Variants in FRMPD4 observed in about 807,000 individuals in gnomAD.
FRMPD4 encodes the protein FERM and PDZ domain containing 4, also known as FERM and PDZ domain-containing protein 4.
Under a neutral mutation model 94.1 loss-of-function variants are expected in FRMPD4, and 22 were observed. The ratio of observed to expected loss-of-function variants is 0.23; its 90% confidence interval spans 0.17 to 0.33. FRMPD4 has a LOEUF of 0.33. Among genes scored for constraint, FRMPD4 ranks in the 10% least tolerant of loss-of-function variants. The probability of loss-of-function intolerance (pLI) is 1.00; values close to 1 mark genes in which losing one functional copy is unlikely to be tolerated. For missense variants in FRMPD4, 1,111 were observed against 1,339.9 expected, an observed-to-expected ratio of 0.83 and a Z score of 2.67; for synonymous variants, 631 against 548.6, an observed-to-expected ratio of 1.15 and a Z score of -2.10.
At chrX:11,885,328 G>A (rs887795514) in intron 3 of FRMPD4, among the ~76,000 whole-genome samples, 153 of 110,989 alleles carry the variant, frequency 1.4e-3, no homozygotes, top group African/African-American at 4.9e-3. Flanking sequence ...CTACTTATAT[G>A]AGGTATCTAG....
In FRMPD4 at chrX:12,075,387, C is replaced by A. The variant is rs780643784; in HGVS notation, c.95+197369C>A. ...ATATAGAAAACCTCTGTACCTTCTG[C>A]TCAATTTTTGCTGTAAACCTAAAAT... On this transcript the variant is annotated intron_variant, in intron 3 of 18. Transcript: ENST00000640291. 5.4e-5 allele frequency among the ~76,000 whole-genome samples: 6 copies of A among 111,463 alleles called. No homozygotes were observed. In the South Asian group the frequency reaches 1.9e-3, roughly 36 times the overall value.
intron 2 of FRMPD4, among the ~76,000 whole-genome samples, chrX:12,602,642 A>G (rs1247633099): frequency 8.9e-6 from 1 of 111,883 alleles, no homozygotes; most frequent in Non-Finnish European, 1.9e-5. Context: ...ACATCCCCCA[A>G]ATTCAGTGTC....
chrX:12,055,252 C>T (rs146131317), intron 3 of FRMPD4, among the ~76,000 whole-genome samples: 8 of 111,855 alleles, frequency 7.2e-5, no homozygotes, highest in African/African-American at 2.6e-4. Flanking sequence ...TGAGTTGATA[C>T]GATTTGGATG....
At position 12,210,468 on chromosome X, in the gene FRMPD4, T is replaced by G. The variant is rs768378915; in HGVS notation, c.41+71456T>G. ...ATCTTCCCTCAGATGGTGGTGTGGTTCTGCCTTCCTTTTCCTGGGAACCTG... is the reference window on the plus strand; with the variant it reads ...ATCTTCCCTCAGATGGTGGTGTGGTGCTGCCTTCCTTTTCCTGGGAACCTG... On this transcript the variant is annotated intron_variant, in intron 1 of 16. Transcript: ENST00000675598. Among the ~76,000 whole-genome samples, 36 of 111,711 alleles carry G rather than the reference T, an allele frequency of 3.2e-4. 1 individual carries two copies. The highest frequency in any genetic ancestry group is 1.1e-3 in the African/African-American group (35 of 30,810).
At chrX:12,139,508 A>G (rs1203492085) in intron 1 of FRMPD4, among the ~76,000 whole-genome samples, 1 of 104,831 alleles carries the variant, frequency 9.5e-6, no homozygotes, top group Non-Finnish European at 1.9e-5. Flanking sequence ...TAGATGGCGA[A>G]GTCATGTAGA....
chrX:12,219,788 A>G (rs1287857107), intron 1 of FRMPD4, among the ~76,000 whole-genome samples: 1 of 112,013 alleles, frequency 8.9e-6, no homozygotes, highest in Non-Finnish European at 1.9e-5. Flanking sequence ...GAGGCAAACT[A>G]CTACAAAGTA....
intron 1 of FRMPD4, among the ~76,000 whole-genome samples, chrX:11,851,131 G>T (rs1364909874): frequency 9.0e-6 from 1 of 111,729 alleles, no homozygotes. Context: ...GCAGGCCCAG[G>T]TAAGAATGCC....
intron 3 of FRMPD4, among the ~76,000 whole-genome samples, chrX:12,053,420 AAGAAAGAAAGAGAAAGAAAGAAG>A (rs2054834808): frequency 5.3e-5 from 5 of 95,149 alleles, no homozygotes; most frequent in African/African-American, 7.6e-5. Context: ...GAAAGAAAGA[AAGAAAGAAAGAGAAAGAAAGAAG>A]AGAAGAGAAG....
chrX:12,627,587 G>A (rs1309231863), intron 4 of FRMPD4, among the ~76,000 whole-genome samples: 1 of 111,806 alleles, frequency 8.9e-6, no homozygotes, highest in Non-Finnish European at 1.9e-5. Context: ...AAAGGGATTT[G>A]GGAGCATAGT....
chrX:12,521,667 G>A (rs1328496648), intron 2 of FRMPD4, among the ~76,000 whole-genome samples: 1 of 111,909 alleles, frequency 8.9e-6, no homozygotes, highest in African/African-American at 3.2e-5. Context: ...GACTGGAACT[G>A]TCTTCAGGAT....
At chrX:12,338,249 T>C (rs2055556677) in intron 1 of FRMPD4, among the ~76,000 whole-genome samples, 1 of 112,343 alleles carries the variant, frequency 8.9e-6, no homozygotes, top group Non-Finnish European at 1.9e-5. Flanking sequence ...GCAGTGCCCA[T>C]GTGCAGAAGT....
chrX:12,338,073 G>A (rs900920568), intron 1 of FRMPD4, among the ~76,000 whole-genome samples: 2 of 112,122 alleles, frequency 1.8e-5, no homozygotes, highest in Non-Finnish European at 3.8e-5. Flanking sequence ...TTCACATGGT[G>A]GAGTATGAAG....
intron 1 of FRMPD4, among the ~76,000 whole-genome samples, chrX:12,430,827 GAT>G (rs1175899028): frequency 1.2e-3 from 138 of 112,415 alleles, no homozygotes; most frequent in African/African-American, 4.4e-3. Flanking sequence ...ATATTTCACA[GAT>G]ATGTAATTTT....
At chrX:12,696,382 G>T (rs1486243683) in intron 9 of FRMPD4, among the ~76,000 whole-genome samples, 2 of 110,510 alleles carry the variant, frequency 1.8e-5, no homozygotes, top group Non-Finnish European at 3.8e-5. Context: ...TATTTATGAG[G>T]TGTTCCTATA....
At chrX:12,699,166 C>A (rs2060163138) in intron 9 of FRMPD4, among the ~76,000 whole-genome samples, 1 of 111,682 alleles carries the variant, frequency 9.0e-6, no homozygotes, top group Admixed American at 9.5e-5. Flanking sequence ...ATAAAATGAC[C>A]CTATCTAGGC....
intron 2 of FRMPD4, among the ~76,000 whole-genome samples, chrX:12,584,375 G>T (rs778045104): frequency 2.7e-5 from 3 of 111,648 alleles, no homozygotes; most frequent in African/African-American, 9.8e-5. Flanking sequence ...GTCCATTATT[G>T]ACGGCTTCTT....
chrX:11,977,961 A>G (rs1269871282), intron 3 of FRMPD4, among the ~76,000 whole-genome samples: 3 of 110,269 alleles, frequency 2.7e-5, no homozygotes, highest in African/African-American at 9.9e-5. Context: ...TTAATGCTGG[A>G]GAGGTATGAT....
chrX:12,077,949 A>T (rs1293191792), intron 3 of FRMPD4, among the ~76,000 whole-genome samples: 1 of 112,158 alleles, frequency 8.9e-6, no homozygotes, highest in Non-Finnish European at 1.9e-5. Flanking sequence ...TCTGTGGCTC[A>T]TGTTTGAGCA....
chrX:12,060,267 G>GT (rs368187952), intron 3 of FRMPD4, among the ~76,000 whole-genome samples: 1,587 of 92,937 alleles, frequency 0.017, 7 homozygotes, highest in Middle Eastern at 0.039. Flanking sequence ...CTAGGAACTG[G>GT]TTTTTTTTTT....
Sources: gnomAD v4.1 joint callset for allele counts (sites outside exome capture counted in the v4.1 genomes callset) on GRCh38, gnomAD v4.1.1 for gene constraint, MANE v1.5 for transcripts, NCBI Gene and HGNC (gene_info 2026-07-23, HGNC 2026-07-21) for gene names.